Variants in ME2 observed in about 807,000 individuals in gnomAD.
The protein encoded by ME2 is malic enzyme 2.
Under a neutral mutation model 73.7 loss-of-function variants are expected in ME2, and 60 were observed. The observed-to-expected ratio is 0.81, with a 90% CI of 0.66 to 1.01. The LOEUF is 1.01. Ranked by LOEUF, ME2 falls within the 50% of genes least tolerant of loss-of-function variation. The pLI, the probability that ME2 is intolerant of heterozygous loss-of-function variation, is 0.00. For synonymous variants in ME2, 199 were observed against 236.9 expected, an observed-to-expected ratio of 0.84 and a Z score of 1.47; for missense variants, 594 against 705.5, an observed-to-expected ratio of 0.84 and a Z score of 1.79.
chr18:50,908,913 TTA>T (rs944204844), intron 3 of ME2, among the ~76,000 whole-genome samples: 1 of 151,434 alleles, frequency 6.6e-6, no homozygotes, highest in Non-Finnish European at 1.5e-5. Flanking sequence ...AGTGCTGGGA[TTA>T]TAGGCATGAG....
At position 50,917,260 on chromosome 18, in the gene ME2, A is replaced by G. The variant is rs946769909; in HGVS notation, c.469-87A>G. ...ATTTTTAAGAGCAAAGAGTAAATAT[A>G]TATGAAGTGAATCAATCTTTTAAAA... On this transcript the variant is annotated intron_variant, in intron 5 of 15. Coordinates refer to ENST00000321341, the MANE Select transcript of ME2 (RefSeq NM_002396.5). The G allele has an allele frequency of 2.9e-6, 3 of 1,021,120 alleles. No homozygotes were observed. The Admixed American group carries it at 6.2e-5, about 21-fold the overall frequency. 63.3% of individuals were successfully genotyped at this position (1,021,120 alleles called of 1,614,324 possible).
intron 3 of ME2, among the ~76,000 whole-genome samples, chr18:50,910,571 A>G (rs186204725): frequency 3.3e-4 from 50 of 152,306 alleles, no homozygotes; most frequent in Non-Finnish European, 3.4e-4. Context: ...TTTTCCATAG[A>G]AAAAATGAAA....
chr18:50,889,438 A>G (rs908189734), intron 1 of ME2, among the ~76,000 whole-genome samples: 2 of 152,182 alleles, frequency 1.3e-5, no homozygotes, highest in Non-Finnish European at 2.9e-5. Context: ...CAGAGAGGGC[A>G]TGGAAACCCT....
intron 1 of ME2, among the ~76,000 whole-genome samples, chr18:50,892,992 G>C (rs953056182): frequency 6.6e-6 from 1 of 151,800 alleles, no homozygotes; most frequent in Non-Finnish European, 1.5e-5. Context: ...GGGTATGGTG[G>C]CGCACACCTG....
chr18:50,923,549 A>T (rs936529410), intron 10 of ME2, among the ~76,000 whole-genome samples: 1 of 152,014 alleles, frequency 6.6e-6, no homozygotes, highest in Non-Finnish European at 1.5e-5. Context: ...ACTTGAGCCC[A>T]GGAGTTTGAG....
At chr18:50,880,089 G>A (rs1184190349) in intron 1 of ME2, among the ~76,000 whole-genome samples, 1 of 152,148 alleles carries the variant, frequency 6.6e-6, no homozygotes, top group Admixed American at 6.5e-5. Context: ...AAGCAAAGAG[G>A]TTAATAGCAT....
At chr18:50,886,858 C>T (rs1185839089) in intron 1 of ME2, among the ~76,000 whole-genome samples, 1 of 151,950 alleles carries the variant, frequency 6.6e-6, no homozygotes, top group Non-Finnish European at 1.5e-5. Flanking sequence ...AAAAATTAGC[C>T]GGGCATGGTG....
rs931043594 is a variant in ME2, at chr18:50,938,289, A to C, written c.1418-1281A>C. Among the ~76,000 whole-genome samples the C allele has an allele frequency of 2.6e-5, 4 of 152,102 alleles. No individual in the cohort carries two copies. In the South Asian group the frequency reaches 8.3e-4, roughly 31 times the overall value. ...GGTTGCAGTGAGCTTGTGCCACTGTACTCCAGCCTGAGTGACAGAGCGAGA... is the reference window on the plus strand; with the variant it reads ...GGTTGCAGTGAGCTTGTGCCACTGTCCTCCAGCCTGAGTGACAGAGCGAGA... On this transcript the variant is annotated intron_variant, in intron 13 of 15. Coordinates refer to ENST00000321341, the MANE Select transcript of ME2 (RefSeq NM_002396.5).
intron 11 of ME2, 39 bp downstream of exon 11, chr18:50,924,251 A>G (rs755928025): frequency 1.5e-6 from 2 of 1,344,160 alleles, no homozygotes; most frequent in Non-Finnish European, 1.1e-6. Flanking sequence ...TTACTCCCTA[A>G]CTGTATGTTG....
intron 10 of ME2, among the ~76,000 whole-genome samples, chr18:50,923,866 G>T (rs1474391288): frequency 6.6e-6 from 1 of 152,136 alleles, no homozygotes; most frequent in Non-Finnish European, 1.5e-5. Flanking sequence ...ATGCATTTTT[G>T]AGAGGAACTA....
At chr18:50,941,404 TCACC>T (rs1917957298) in intron 15 of ME2, among the ~76,000 whole-genome samples, 1 of 134,090 alleles carries the variant, frequency 7.5e-6, no homozygotes, top group African/African-American at 2.9e-5. Context: ...TCTTGCTCTG[TCACC>T]CAGGCTTGAG....
chr18:50,927,909 G>A (rs1469767879), intron 12 of ME2, among the ~76,000 whole-genome samples: 3 of 146,592 alleles, frequency 2.0e-5, no homozygotes, highest in African/African-American at 7.6e-5. Flanking sequence ...CCAATTCCTG[G>A]CTCAAGTAAT....
chr18:50,930,776 T>C (rs758960953), intron 12 of ME2, among the ~76,000 whole-genome samples: 1 of 152,240 alleles, frequency 6.6e-6, no homozygotes, highest in Non-Finnish European at 1.5e-5. Flanking sequence ...ATGTACTTAT[T>C]GTGATAACAT....
chr18:50,926,054 T>G (rs1917544909), intron 12 of ME2, among the ~76,000 whole-genome samples, 156 bp downstream of exon 12: 1 of 152,186 alleles, frequency 6.6e-6, no homozygotes, highest in Non-Finnish European at 1.5e-5. Context: ...CTTATACCAA[T>G]TATGGGAAAC....
In ME2 at chr18:50,941,428, G is replaced by A. The variant is rs1181972858; in HGVS notation, c.1587+1042G>A. Among the ~76,000 whole-genome samples, 2 of 126,760 alleles carry A rather than the reference G, an allele frequency of 1.6e-5. 1 individual carries two copies. Among genetic ancestry groups the A allele is most frequent in the East Asian group, 4.8e-4 (2 of 4,136 alleles). The allele number at this position is 126,760 out of a possible 152,430, so 83.2% of individuals were successfully genotyped here. A position where few individuals can be genotyped will look rare whatever the true frequency, so the allele number is the denominator to read the frequency against. ...GTCACCCAGGCTTGAGTGCAGTGGC[G>A]GAATCTCAGCTCACGGCTCACTGCA... is the stretch of plus-strand genomic sequence containing the variant. On this transcript the variant is annotated intron_variant, in intron 15 of 15. Coordinates refer to ENST00000321341, the MANE Select transcript of ME2 (RefSeq NM_002396.5).
At chr18:50,923,983 A>T in intron 10 of ME2, 115 bp from the exon 11 acceptor site, 1 of 639,180 alleles carries the variant, frequency 1.6e-6, no homozygotes, top group South Asian at 2.4e-5. Context: ...AAAGTAAATG[A>T]AAATGAAAAG....
At position 50,950,889 on chromosome 18, in the gene ME2, G is replaced by C. The variant is rs1011587602; in HGVS notation, c.*3705G>C. ...TGCTCCAGGATACTGCATGTAGTGA[G>C]CAGTTCTTTAGCGTTTATGTGTCAT... On this transcript the variant is annotated 3_prime_UTR_variant, in exon 16 of 16. Transcript: ENST00000321341. 6.6e-6 allele frequency: 1 copy of C among 152,158 alleles called. No homozygotes were observed. Among genetic ancestry groups the C allele is most frequent in the Non-Finnish European group, 1.5e-5 (1 of 68,038 alleles). 9.4% of individuals were successfully genotyped at this position (152,158 alleles called of 1,614,324 possible). A position where few individuals can be genotyped will look rare whatever the true frequency, so the allele number is the denominator to read the frequency against.
chr18:50,936,596 G>C (rs1917825232), intron 13 of ME2, among the ~76,000 whole-genome samples: 1 of 152,140 alleles, frequency 6.6e-6, no homozygotes, highest in Non-Finnish European at 1.5e-5. Context: ...GCTGTTATGT[G>C]GGACTTACAT....
chr18:50,941,879 G>C (rs1917971360), intron 15 of ME2, among the ~76,000 whole-genome samples: 1 of 151,448 alleles, frequency 6.6e-6, no homozygotes, highest in African/African-American at 2.4e-5. Context: ...ATATTTAATA[G>C]GTAAAATTGT....
Sources: gnomAD v4.1 joint callset for allele counts (sites outside exome capture counted in the v4.1 genomes callset) on GRCh38, gnomAD v4.1.1 for gene constraint, MANE v1.5 for transcripts, NCBI Gene and HGNC (gene_info 2026-07-23, HGNC 2026-07-21) for gene names.